The following RBM44 variants were observed in gnomAD, a reference collection of about 807,000 sequenced individuals.
The protein encoded by RBM44 is RNA binding motif protein 44.
RBM44 carries 66 observed loss-of-function variants against 105.1 expected under a neutral mutation model. The observed-to-expected ratio is 0.63, with a 90% CI of 0.52 to 0.77. The LOEUF (loss-of-function observed/expected upper bound fraction) is 0.77, where lower values mean the gene tolerates loss of function less well. Among genes scored for constraint, RBM44 ranks in the 30% least tolerant of loss-of-function variants. RBM44 has a pLI of 0.00. For missense variants in RBM44, 1,122 were observed against 1,207.8 expected (o/e 0.93, Z 1.05); for synonymous variants, 365 against 417.6 (o/e 0.87, Z 1.54).
chr2:237,810,541 T>G (rs1241815629), intron 1 of RBM44, among the ~76,000 whole-genome samples: 1 of 152,220 alleles, frequency 6.6e-6, no homozygotes, highest in Non-Finnish European at 1.5e-5. Context: ...ACTGGCCAGG[T>G]CCAGGTCTGT....
intron 2 of RBM44, among the ~76,000 whole-genome samples, chr2:237,814,799 C>G (rs1437545143): frequency 6.6e-6 from 1 of 151,964 alleles, no homozygotes; most frequent in African/African-American, 2.4e-5. Context: ...CGACAATTGA[C>G]CATCCATTTT....
At chr2:237,804,645 A>G (rs1485660324) in intron 1 of RBM44, among the ~76,000 whole-genome samples, 1 of 151,806 alleles carries the variant, frequency 6.6e-6, no homozygotes, top group Non-Finnish European at 1.5e-5. Flanking sequence ...TTTGTTTTTC[A>G]CTTGTTGATT....
At position 237,818,743 on chromosome 2, in the gene RBM44, G is replaced by C; in HGVS notation, c.1677+147G>C. 1 of 685,218 alleles carries C rather than the reference G, an allele frequency of 1.5e-6. No individual in the cohort carries two copies. The highest frequency in any genetic ancestry group is 2.8e-5 in the East Asian group (1 of 35,194). 42.4% of individuals were successfully genotyped at this position (685,218 alleles called of 1,614,324 possible). ...AATTAAAAAGGGAGTAAATTAAAAA[G>C]TAAATTAAAAAAAAAAGACGTGTAA... On this transcript the variant is annotated intron_variant, in intron 3 of 15. Transcript: ENST00000316997. The surrounding 1 kb of genome is among the most constrained non-coding windows in gnomAD (Gnocchi z 4.6).
In RBM44 at chr2:237,818,799, C is replaced by G. The variant is rs2061751390; in HGVS notation, c.1678-102C>G. 2.9e-6 allele frequency: 2 copies of G among 699,058 alleles called. No individual in the cohort carries two copies. The allele number at this position is 699,058 out of a possible 1,614,324, so 43.3% of individuals were successfully genotyped here. A position where few individuals can be genotyped will look rare whatever the true frequency, so the allele number is the denominator to read the frequency against. ...CACCAGTTCTATCCTCCTCTCCTGG[C>G]AGCTCCTCCCACAAAATCCATTAGA... On this transcript the variant is annotated intron_variant, in intron 3 of 15. Transcript: ENST00000316997. The surrounding 1 kb of genome is among the most constrained non-coding windows in gnomAD (Gnocchi z 4.6).
At chr2:237,835,040 T>C (rs2061944794) in intron 15 of RBM44, among the ~76,000 whole-genome samples, 1 of 152,244 alleles carries the variant, frequency 6.6e-6, no homozygotes, top group African/African-American at 2.4e-5. Flanking sequence ...TTACCCACTT[T>C]GTGTCTGTGT....
chr2:237,832,607 G>A (rs1316651435), intron 13 of RBM44, among the ~76,000 whole-genome samples: 2 of 152,164 alleles, frequency 1.3e-5, no homozygotes, highest in Admixed American at 6.5e-5. Flanking sequence ...ACAGGCTGTT[G>A]GTAGGAGTAT....
intron 5 of RBM44, 140 bp from the exon 6 acceptor site, chr2:237,820,931 G>A: frequency 1.7e-6 from 1 of 592,890 alleles, no homozygotes; most frequent in Non-Finnish European, 2.9e-6. Context: ...CACACATGTA[G>A]TCCTAGCAAC....
At chr2:237,813,803 C>T (rs562534086) in intron 2 of RBM44, 121 bp downstream of exon 2, 37 of 637,962 alleles carry the variant, frequency 5.8e-5, no homozygotes, top group Non-Finnish European at 9.0e-5. Context: ...GGTGGTAAGA[C>T]TCAGTATATT....
At chr2:237,814,472 T>G (rs928598287) in intron 2 of RBM44, among the ~76,000 whole-genome samples, 4 of 152,052 alleles carry the variant, frequency 2.6e-5, no homozygotes, top group Non-Finnish European at 5.9e-5. Flanking sequence ...GTTCTCTATC[T>G]CAGTAAATCC....
chr2:237,827,286 G>T lies in RBM44; in HGVS notation c.2486G>T (p.Gly829Val), dbSNP rs571893965. ...GTTGAACCCTCACAAAGAGATAAAG[G>T]TTATTTGATACATGTTGGTGGCCTC... ...KNVEPSQRDKGYLIHVGGLCP... is the reference protein window; with the variant it reads ...KNVEPSQRDKVYLIHVGGLCP... The change falls in exon 11 of 16, where the codon GGT becomes GTT. Residue 829 changes from glycine to valine, a missense_variant. Transcript: ENST00000316997. 6 of 1,595,068 alleles carry T rather than the reference G, an allele frequency of 3.8e-6. No individual in the cohort carries two copies. The African/African-American group carries it at 5.4e-5, about 14-fold the overall frequency.
chr2:237,831,207 T>G (rs2061899242), intron 13 of RBM44, among the ~76,000 whole-genome samples: 2 of 140,280 alleles, frequency 1.4e-5, no homozygotes, highest in Admixed American at 1.4e-4. Flanking sequence ...GACTTTGCAT[T>G]CCTTTAACTT....
intron 1 of RBM44, among the ~76,000 whole-genome samples, chr2:237,801,859 CT>C (rs2061549610): frequency 6.6e-6 from 1 of 152,100 alleles, no homozygotes; most frequent in Admixed American, 6.6e-5. Context: ...GTCTACTTAA[CT>C]GTCTTATTTA....
intron 2 of RBM44, among the ~76,000 whole-genome samples, chr2:237,815,930 A>G (rs1330051440): frequency 6.6e-6 from 1 of 152,124 alleles, no homozygotes; most frequent in Non-Finnish European, 1.5e-5. Context: ...CAGTCACATG[A>G]CTACCCTTTA....
chr2:237,813,752 T>A, intron 2 of RBM44, 70 bp downstream of exon 2: 1 of 1,034,596 alleles, frequency 9.7e-7, no homozygotes. Flanking sequence ...CCAGACAGTT[T>A]GCCCTTCAGG....
intron 13 of RBM44, 132 bp from the exon 14 acceptor site, chr2:237,833,865 G>A (rs528208984): frequency 8.4e-6 from 4 of 476,494 alleles, no homozygotes; most frequent in African/African-American, 8.0e-5. Context: ...ACAATCCCAA[G>A]TTAAAGTAAA....
intron 1 of RBM44, among the ~76,000 whole-genome samples, chr2:237,812,408 A>G (rs947678557): frequency 6.6e-6 from 1 of 152,166 alleles, no homozygotes; most frequent in African/African-American, 2.4e-5. Flanking sequence ...TGTCCCGTAG[A>G]TTTTGGTAGT....
Position 237,835,778 on chromosome 2 carries a change from T to C in RBM44, c.*22+1355T>C, listed in dbSNP as rs1329667494. 4.5e-4 allele frequency among the ~76,000 whole-genome samples: 69 copies of C among 152,102 alleles called. 1 individual carries two copies. The highest frequency in any genetic ancestry group is 1.3e-4 in the Non-Finnish European group (9 of 67,964). On this transcript the variant is annotated intron_variant, in intron 15 of 15. Transcript: ENST00000316997. ...AGAAATAAGCCATCTTTTTTTTTTT[T>C]TCCTGAGATTTTGGTGCACCCATCG...
chr2:237,830,284 G>T (rs570624170), intron 13 of RBM44, among the ~76,000 whole-genome samples: 2 of 152,210 alleles, frequency 1.3e-5, no homozygotes, highest in South Asian at 2.1e-4. Flanking sequence ...TCCTGCTTAT[G>T]TTGTGTCCAT....
intron 12 of RBM44, among the ~76,000 whole-genome samples, 164 bp downstream of exon 12, chr2:237,827,667 T>G (rs1179993919): frequency 6.6e-6 from 1 of 152,170 alleles, no homozygotes; most frequent in Admixed American, 6.5e-5. Context: ...CAATCTTGAG[T>G]TGATACTGTT....
Sources: allele counts gnomAD v4.1 joint callset (sites outside exome capture counted in the v4.1 genomes callset), GRCh38; gene constraint gnomAD v4.1.1; non-coding constraint Gnocchi (gnomAD v3.1); transcripts MANE v1.5; gene names NCBI Gene and HGNC (gene_info 2026-07-23, HGNC 2026-07-21).